The following MS4A13 variants were observed in gnomAD, a reference collection of about 807,000 sequenced individuals.
MS4A13 encodes membrane spanning 4-domains A13.
In MS4A13, 21 loss-of-function variants were observed where a neutral mutation model predicts 18.4. The ratio of observed to expected loss-of-function variants is 1.14; its 90% CI spans 0.81 to 1.64. The LOEUF is 1.64. Ranked by LOEUF, MS4A13 falls within the 40% of genes most tolerant of loss-of-function variation. MS4A13 has a pLI of 0.00. For synonymous variants in MS4A13, 62 were observed against 57.2 expected, an observed-to-expected ratio of 1.08 and a Z score of -0.38; for missense variants, 173 against 176.8, an observed-to-expected ratio of 0.98 and a Z score of 0.12.
chr11:60,517,881 T>A (rs557510026), intron 2 of MS4A13, among the ~76,000 whole-genome samples, 191 bp from the exon 3 acceptor site: 1 of 152,320 alleles, frequency 6.6e-6, no homozygotes, highest in Admixed American at 6.5e-5. Flanking sequence ...CTGATTCCTA[T>A]TTGGTAAATC....
At chr11:60,517,254 A>C (rs1197375579) in intron 2 of MS4A13, among the ~76,000 whole-genome samples, 1 of 152,164 alleles carries the variant, frequency 6.6e-6, no homozygotes, top group Non-Finnish European at 1.5e-5. Context: ...TATTTCATAG[A>C]CTGCCTGCTT....
chr11:60,525,638 C>G lies in MS4A13; in HGVS notation c.306+312C>G, dbSNP rs1243485814. Among the ~76,000 whole-genome samples, 3 of 152,212 alleles carry G rather than the reference C, an allele frequency of 2.0e-5. No homozygotes were observed. The East Asian group carries it at 5.8e-4, about 29-fold the overall frequency. Reference sequence around the variant, plus strand: ...CTCTTAATACAAGAAAAGTATAATCCTGGACAATAAAACCATTTTGCAAAT... The same window carrying G: ...CTCTTAATACAAGAAAAGTATAATCGTGGACAATAAAACCATTTTGCAAAT... On this transcript the variant is annotated intron_variant, in intron 5 of 6. Transcript: ENST00000378186.
chr11:60,525,421 C>T (rs1265170191), intron 5 of MS4A13, 95 bp downstream of exon 5: 9 of 792,212 alleles, frequency 1.1e-5, no homozygotes, highest in Non-Finnish European at 1.7e-5. Context: ...TTTTATTCGT[C>T]CTCATGAAAT....
At chr11:60,527,563 C>T (rs914503027) in intron 5 of MS4A13, among the ~76,000 whole-genome samples, 1 of 152,000 alleles carries the variant, frequency 6.6e-6, no homozygotes, top group Admixed American at 6.6e-5. Flanking sequence ...GGGCCAGGCA[C>T]GGTGGCTCAC....
At chr11:60,519,971 A>G (rs2086662827) in intron 3 of MS4A13, among the ~76,000 whole-genome samples, 1 of 152,224 alleles carries the variant, frequency 6.6e-6, no homozygotes, top group Admixed American at 6.5e-5. Flanking sequence ...AACAAGGACA[A>G]GAGAATGATT....
chr11:60,531,358 C>T (rs1042372734), intron 6 of MS4A13, among the ~76,000 whole-genome samples: 2 of 152,162 alleles, frequency 1.3e-5, no homozygotes, highest in African/African-American at 4.8e-5. Context: ...CACAGTGGAC[C>T]TTGATAACTT....
chr11:60,525,735 G>A (rs1042980556), intron 5 of MS4A13, among the ~76,000 whole-genome samples: 1 of 152,016 alleles, frequency 6.6e-6, no homozygotes, highest in East Asian at 1.9e-4. Context: ...GCTTAACATA[G>A]AATTTTTCAT....
chr11:60,542,166 G>C (rs2086864601), intron 6 of MS4A13, among the ~76,000 whole-genome samples: 1 of 144,504 alleles, frequency 6.9e-6, no homozygotes, highest in African/African-American at 2.5e-5. Flanking sequence ...AGGAAAAAGA[G>C]AGAGAGAGAA....
At chr11:60,521,483 T>A (rs907406012) in intron 3 of MS4A13, among the ~76,000 whole-genome samples, 2 of 152,198 alleles carry the variant, frequency 1.3e-5, no homozygotes, top group African/African-American at 4.8e-5. Context: ...TCTTAAATCA[T>A]CTCTCTCAAG....
intron 6 of MS4A13, among the ~76,000 whole-genome samples, chr11:60,536,505 A>G (rs1435416053): frequency 3.1e-5 from 1 of 31,768 alleles, no homozygotes; most frequent in South Asian, 1.9e-3. Flanking sequence ...ACTACAAACC[A>G]CTGCTCAAGG....
intron 5 of MS4A13, among the ~76,000 whole-genome samples, chr11:60,527,410 CTGTG>C (rs1224398821): frequency 1.4e-4 from 4 of 28,788 alleles, no homozygotes; most frequent in Admixed American, 5.9e-4. Context: ...CTCTCTCTCT[CTGTG>C]TGTGTGTGTG....
intron 2 of MS4A13, among the ~76,000 whole-genome samples, chr11:60,517,798 G>C (rs1171913524): frequency 3.9e-5 from 6 of 152,144 alleles, no homozygotes. Flanking sequence ...TCCAGTGATA[G>C]AATCAAACTG....
At chr11:60,532,528 C>T (rs573018843) in intron 6 of MS4A13, among the ~76,000 whole-genome samples, 31 of 152,328 alleles carry the variant, frequency 2.0e-4, no homozygotes, top group Admixed American at 3.9e-4. Flanking sequence ...CCTACGCCCA[C>T]GGAATCTCGC....
At chr11:60,521,765 T>C (rs910013150) in intron 3 of MS4A13, among the ~76,000 whole-genome samples, 6 of 152,204 alleles carry the variant, frequency 3.9e-5, no homozygotes, top group African/African-American at 9.7e-5. Context: ...CCAAAGTCAC[T>C]TCCAAATTTT....
At chr11:60,532,521 A>G (rs897825000) in intron 6 of MS4A13, among the ~76,000 whole-genome samples, 6 of 152,208 alleles carry the variant, frequency 3.9e-5, no homozygotes, top group African/African-American at 1.4e-4. Context: ...AGAGGGTCCT[A>G]CGCCCACGGA....
downstream of MS4A13, among the ~76,000 whole-genome samples, chr11:60,542,893 C>T (rs1379694420): frequency 6.6e-6 from 1 of 152,008 alleles, no homozygotes; most frequent in Non-Finnish European, 1.5e-5. Flanking sequence ...AGAGTGAAGG[C>T]TATAAAGACT....
intron 1 of MS4A13, 62 bp from the exon 2 acceptor site, chr11:60,515,907 G>A (rs1022194830): frequency 1.3e-5 from 2 of 152,122 alleles, no homozygotes; most frequent in Admixed American, 6.5e-5. Context: ...ATAAGGAAAG[G>A]ATCAAACTTA....
chr11:60,525,472 T>C, intron 5 of MS4A13, 146 bp downstream of exon 5: 1 of 505,250 alleles, frequency 2.0e-6, no homozygotes, highest in East Asian at 4.0e-5. Context: ...AAATTTTAAA[T>C]CAAAAATAAT....
chr11:60,528,898 G>GC (rs772507578), intron 5 of MS4A13, among the ~76,000 whole-genome samples: 3 of 152,280 alleles, frequency 2.0e-5, no homozygotes, highest in East Asian at 3.9e-4. Context: ...TGATATTAGA[G>GC]CAATATATAT....
Sources: gnomAD v4.1 joint callset for allele counts (sites outside exome capture counted in the v4.1 genomes callset) on GRCh38, gnomAD v4.1.1 for gene constraint, MANE v1.5 for transcripts, NCBI Gene and HGNC (gene_info 2026-07-23, HGNC 2026-07-21) for gene names.